Variants in GATA4 observed in about 807,000 individuals in gnomAD.
GATA4 encodes the protein transcription factor GATA-4.
GATA4 carries 7 observed loss-of-function variants against 37.9 expected under a neutral mutation model. The observed-to-expected ratio is 0.18, with a 90% CI of 0.11 to 0.35. The LOEUF is 0.35. Ranked by LOEUF, GATA4 falls within the 10% of genes least tolerant of loss-of-function variation. The pLI is 1.00. For missense variants in GATA4, 647 were observed against 653.0 expected (o/e 0.99, Z 0.10); for synonymous variants, 372 against 292.6 (o/e 1.27, Z -2.77).
chr8:11,736,157 G>A (rs1323901832), intron 2 of GATA4, among the ~76,000 whole-genome samples: 1 of 152,172 alleles, frequency 6.6e-6, no homozygotes, highest in East Asian at 1.9e-4. Flanking sequence ...GCCATACTCC[G>A]ACCTCACAAA....
At chr8:11,704,784 T>C (rs1585586731) in intron 1 of GATA4, among the ~76,000 whole-genome samples, 1 of 152,214 alleles carries the variant, frequency 6.6e-6, no homozygotes, top group East Asian at 1.9e-4. Context: ...CCGCTGGGCC[T>C]CAGGGGCCCC....
chr8:11,690,843 C>G (rs1799287996), upstream of GATA4, among the ~76,000 whole-genome samples: 1 of 152,188 alleles, frequency 6.6e-6, no homozygotes, highest in East Asian at 1.9e-4. Flanking sequence ...TGCACTCCAA[C>G]CTGGGTGAAA....
At chr8:11,716,660 G>T (rs1039820882) in intron 2 of GATA4, among the ~76,000 whole-genome samples, 1 of 152,182 alleles carries the variant, frequency 6.6e-6, no homozygotes, top group Non-Finnish European at 1.5e-5. Flanking sequence ...GGCACAAACA[G>T]TCACGTACTA....
intron 2 of GATA4, among the ~76,000 whole-genome samples, chr8:11,724,888 G>T (rs1800842348): frequency 6.6e-6 from 1 of 152,240 alleles, no homozygotes; most frequent in African/African-American, 2.4e-5. Flanking sequence ...CCATGGGGGA[G>T]CCAGTGGCCA....
intron 1 of GATA4, chr8:11,681,418 C>T (rs977250863): frequency 5.6e-5 from 55 of 983,982 alleles, no homozygotes; most frequent in Non-Finnish European, 6.4e-5. Context: ...TGGCTCAACT[C>T]GGGGGCCGTA....
At chr8:11,746,519 G>A (rs1802038636) in intron 2 of GATA4, among the ~76,000 whole-genome samples, 1 of 152,236 alleles carries the variant, frequency 6.6e-6, no homozygotes, top group Non-Finnish European at 1.5e-5. Context: ...GCGCCACCCA[G>A]TGTTTATTGC....
chr8:11,756,444 C>T (rs1008555187), intron 5 of GATA4: 17 of 231,226 alleles, frequency 7.4e-5, no homozygotes, highest in African/African-American at 1.1e-4. Context: ...ACGGTTCAGG[C>T]GCACGATTCC....
intron 2 of GATA4, among the ~76,000 whole-genome samples, chr8:11,720,600 C>T (rs977975206): frequency 6.6e-6 from 1 of 152,166 alleles, no homozygotes; most frequent in Non-Finnish European, 1.5e-5. Context: ...CTCCCTCCTC[C>T]CACCCTCCAC....
At chr8:11,727,921 C>T (rs1443337851) in intron 2 of GATA4, among the ~76,000 whole-genome samples, 2 of 152,128 alleles carry the variant, frequency 1.3e-5, no homozygotes, top group Admixed American at 6.5e-5. Flanking sequence ...TCCATAGAGG[C>T]TAAGAAATAT....
At chr8:11,717,559 C>CT (rs1009331081) in intron 2 of GATA4, among the ~76,000 whole-genome samples, 8 of 152,190 alleles carry the variant, frequency 5.3e-5, no homozygotes, top group Admixed American at 4.6e-4. Flanking sequence ...CAGGATTGTA[C>CT]TTTCCCCCTT....
At chr8:11,696,658 G>A (rs767603959) in intron 1 of GATA4, among the ~76,000 whole-genome samples, 2 of 152,214 alleles carry the variant, frequency 1.3e-5, no homozygotes, top group Non-Finnish European at 2.9e-5. Context: ...ATTGCAAATA[G>A]TATATCTGCT....
At chr8:11,724,505 T>C (rs1800823078) in intron 2 of GATA4, among the ~76,000 whole-genome samples, 1 of 152,232 alleles carries the variant, frequency 6.6e-6, no homozygotes. Flanking sequence ...CTGTATGTCA[T>C]AACATCCTCA....
In GATA4 at chr8:11,732,287, C is replaced by A. The variant is rs201082938; in HGVS notation, c.617-16629C>A. Reference sequence around the variant, plus strand: ...TAAGTGAAATGTATTTGTAAAAAGGCAGATGGAACTACTAGACGTATTGTC... The same window carrying A: ...TAAGTGAAATGTATTTGTAAAAAGGAAGATGGAACTACTAGACGTATTGTC... On this transcript the variant is annotated intron_variant, in intron 2 of 6. Transcript: ENST00000532059. Among the ~76,000 whole-genome samples, 42 of 152,308 alleles carry A rather than the reference C, an allele frequency of 2.8e-4. No individual in the cohort carries two copies. In the East Asian group the frequency reaches 5.4e-3, roughly 20 times the overall value.
chr8:11,701,244 GAAAAAAAA>G (rs56051265), upstream of GATA4, among the ~76,000 whole-genome samples: 2 of 126,418 alleles, frequency 1.6e-5, no homozygotes, highest in African/African-American at 3.2e-5. Context: ...CAGGTTCTTA[GAAAAAAAA>G]AAAAAAAAAA....
At position 11,709,452 on chromosome 8, in the gene GATA4, G is replaced by C. The variant is rs2130076166; in HGVS notation, c.616+524G>C. On this transcript the variant is annotated intron_variant, in intron 2 of 6. Transcript: ENST00000532059. The surrounding 1 kb of genome is among the most constrained non-coding windows in gnomAD (Gnocchi z 4.3). ...CGGGGTAGCTGATGATTTTCCCGTC[G>C]GGGGTCTCACACCGAGAACAAAGGA... Among the ~76,000 whole-genome samples the C allele has an allele frequency of 6.6e-6, 1 of 152,218 alleles. No homozygotes were observed. The highest frequency in any genetic ancestry group is 1.5e-5 in the Non-Finnish European group (1 of 68,000).
chr8:11,689,118 A>G (rs1799232661), upstream of GATA4, among the ~76,000 whole-genome samples: 1 of 152,164 alleles, frequency 6.6e-6, no homozygotes, highest in African/African-American at 2.4e-5. Context: ...AAGCTGCAAG[A>G]CGACTTCTGG....
chr8:11,716,238 A>G (rs1247310645), intron 2 of GATA4, among the ~76,000 whole-genome samples: 1 of 152,232 alleles, frequency 6.6e-6, no homozygotes, highest in African/African-American at 2.4e-5. Flanking sequence ...AATTTTAAAA[A>G]CATATTAAAC....
chr8:11,699,415 G>A (rs532498105), upstream of GATA4, among the ~76,000 whole-genome samples: 14 of 152,270 alleles, frequency 9.2e-5, no homozygotes, highest in South Asian at 2.1e-3. Flanking sequence ...GGCAATCCCC[G>A]AAGAAAGGGC....
intron 2 of GATA4, among the ~76,000 whole-genome samples, chr8:11,719,851 G>A (rs1800591063): frequency 6.6e-6 from 1 of 152,218 alleles, no homozygotes; most frequent in Admixed American, 6.5e-5. Flanking sequence ...GAAGAGTTGG[G>A]TGTAAAAACA....
Sources: gnomAD v4.1 joint callset for allele counts (sites outside exome capture counted in the v4.1 genomes callset) on GRCh38, gnomAD v4.1.1 for gene constraint, Gnocchi (gnomAD v3.1) non-coding constraint, MANE v1.5 for transcripts, NCBI Gene and HGNC (gene_info 2026-07-23, HGNC 2026-07-21) for gene names.